Variants in OR2L13 observed in about 807,000 individuals in gnomAD.
OR2L13 encodes olfactory receptor 2L13.
A neutral mutation model predicts 15.3 loss-of-function variants in OR2L13; 14 were observed. That is an observed-to-expected ratio of 0.91 (90% CI 0.60 to 1.43). OR2L13 has a LOEUF of 1.43. Ranked by LOEUF, OR2L13 falls within the 40% of genes most tolerant of loss-of-function variation. The pLI is 0.00. For synonymous variants in OR2L13, 152 were observed against 142.9 expected (o/e 1.06, Z -0.45); for missense variants, 367 against 387.9 (o/e 0.95, Z 0.45).
the OR2L13 span, among the ~76,000 whole-genome samples, chr1:247,945,004 C>G: frequency 0.023 from 3,545 of 151,310 alleles, 53 homozygotes; most frequent in Middle Eastern, 0.061. Flanking sequence ...GTCTCCATGT[C>G]CTTCAGTTTC....
At chr1:247,984,475 A>G in the OR2L13 span, among the ~76,000 whole-genome samples, 1 of 152,190 alleles carries the variant, frequency 6.6e-6, no homozygotes, top group Non-Finnish European at 1.5e-5. Context: ...CTACTTGCCA[A>G]TAACTAAACT....
chr1:247,998,819 T>C, the OR2L13 span, among the ~76,000 whole-genome samples: 1 of 152,178 alleles, frequency 6.6e-6, no homozygotes, highest in Non-Finnish European at 1.5e-5. Context: ...TACAATGTAT[T>C]AATTTTTTCT....
the OR2L13 span, among the ~76,000 whole-genome samples, chr1:247,993,088 C>T: frequency 6.6e-6 from 1 of 152,022 alleles, no homozygotes; most frequent in African/African-American, 2.4e-5. Flanking sequence ...AAAATGGTCT[C>T]TCATTGTGGC....
At chr1:247,976,003 A>C in the OR2L13 span, among the ~76,000 whole-genome samples, 1 of 152,152 alleles carries the variant, frequency 6.6e-6, no homozygotes, top group African/African-American at 2.4e-5. Context: ...AAAAATAATA[A>C]ATTATTTAAG....
upstream of OR2L13, among the ~76,000 whole-genome samples, chr1:248,094,596 T>C (rs760073474): frequency 1.3e-5 from 2 of 152,252 alleles, no homozygotes; most frequent in Non-Finnish European, 2.9e-5. Flanking sequence ...TGACTCTAAA[T>C]GCTCATTTTA....
At chr1:248,016,139 C>T in the OR2L13 span, among the ~76,000 whole-genome samples, 1 of 152,052 alleles carries the variant, frequency 6.6e-6, no homozygotes, top group South Asian at 2.1e-4. Context: ...AGCTCATATT[C>T]AACTCTAAAT....
chr1:248,002,854 C>CAA, the OR2L13 span, among the ~76,000 whole-genome samples: 13,578 of 123,714 alleles, frequency 0.11, 948 homozygotes, highest in East Asian at 0.24. Context: ...GACTCCAGCT[C>CAA]AAAAAAAAAA....
chr1:248,099,664 G>C, exon 3 of OR2L13: 1 of 1,614,104 alleles, frequency 6.2e-7, no homozygotes. Context: ...CCTGGGATGT[G>C]GTGTGCAAAG....
At chr1:248,042,219 A>G in the OR2L13 span, 1 of 152,046 alleles carries the variant, frequency 6.6e-6, no homozygotes, top group African/African-American at 2.4e-5. Context: ...CATGGATGAA[A>G]TTGGAAATCA....
At chr1:248,026,814 A>T in the OR2L13 span, among the ~76,000 whole-genome samples, 6 of 152,224 alleles carry the variant, frequency 3.9e-5, no homozygotes, top group African/African-American at 1.4e-4. Flanking sequence ...TCTTTACTTT[A>T]ATCTCTTAAT....
chr1:248,064,472 T>C, the OR2L13 span, among the ~76,000 whole-genome samples: 1 of 152,214 alleles, frequency 6.6e-6, no homozygotes, highest in African/African-American at 2.4e-5. Context: ...TGTTTATAGG[T>C]TACCCAGTTT....
the OR2L13 span, among the ~76,000 whole-genome samples, chr1:248,014,050 A>C: frequency 6.6e-6 from 1 of 152,164 alleles, no homozygotes; most frequent in African/African-American, 2.4e-5. Context: ...CATATTCACA[A>C]TAATTATCAT....
chr1:247,949,656 C>G, the OR2L13 span: 2 of 1,613,938 alleles, frequency 1.2e-6, no homozygotes, highest in Non-Finnish European at 1.7e-6. Context: ...CCTGCGATCT[C>G]CAACAGAGGA....
chr1:247,938,292 T>C, the OR2L13 span, among the ~76,000 whole-genome samples: 11 of 152,170 alleles, frequency 7.2e-5, no homozygotes, highest in Non-Finnish European at 1.5e-4. Flanking sequence ...CGTTCAAAAT[T>C]GACTGGAAGT....
At chr1:247,970,135 T>C in the OR2L13 span, among the ~76,000 whole-genome samples, 11,566 of 152,188 alleles carry the variant, frequency 0.076, 958 homozygotes, top group African/African-American at 0.21. Context: ...TTCCATAATT[T>C]TGAGGATTTC....
At chr1:248,067,466 T>C in the OR2L13 span, among the ~76,000 whole-genome samples, 2 of 152,236 alleles carry the variant, frequency 1.3e-5, no homozygotes, top group Admixed American at 6.5e-5. Flanking sequence ...ATATTATTCT[T>C]TTTGTAGATT....
At chr1:247,949,155 A>G in the OR2L13 span, 29 of 1,613,870 alleles carry the variant, frequency 1.8e-5, no homozygotes, top group Non-Finnish European at 2.4e-5. Context: ...TGGGATTCAG[A>G]GTTTCTTCTT....
chr1:248,069,472 T>A, the OR2L13 span, among the ~76,000 whole-genome samples: 16 of 151,996 alleles, frequency 1.1e-4, no homozygotes, highest in African/African-American at 3.4e-4. Context: ...CTCCTGAAGG[T>A]AGCACTAAAC....
the OR2L13 span, among the ~76,000 whole-genome samples, chr1:248,002,840 G>A: frequency 2.6e-4 from 38 of 148,396 alleles, no homozygotes; most frequent in African/African-American, 8.5e-4. Flanking sequence ...CCTGGGCGAA[G>A]CGAGACTCCA....
Sources: allele counts gnomAD v4.1 joint callset (sites outside exome capture counted in the v4.1 genomes callset), GRCh38; gene constraint gnomAD v4.1.1; transcripts MANE v1.5; gene names NCBI Gene and HGNC (gene_info 2026-07-23, HGNC 2026-07-21).